EPHA7: variants seen among roughly 807,000 people sequenced by gnomAD.
The protein encoded by EPHA7 is ephrin type-A receptor 7.
A neutral mutation model predicts 112.6 loss-of-function variants in EPHA7; 25 were observed. The observed-to-expected ratio is 0.22, with a 90% confidence interval of 0.16 to 0.31. The LOEUF (loss-of-function observed/expected upper bound fraction) is 0.31, where lower values mean the gene tolerates loss of function less well. EPHA7 is among the 10% of genes least tolerant of loss of function. The pLI is 1.00. For missense variants in EPHA7, 962 were observed against 1,212.6 expected, an observed-to-expected ratio of 0.79 and a Z score of 3.07; for synonymous variants, 437 against 406.5, an observed-to-expected ratio of 1.07 and a Z score of -0.90.
intron 5 of EPHA7, among the ~76,000 whole-genome samples, chr6:93,293,969 T>C (rs1582464393): frequency 6.6e-6 from 1 of 152,220 alleles, no homozygotes; most frequent in African/African-American, 2.4e-5. Context: ...CCAGGTGGGC[T>C]ACTCATTTAC....
chr6:93,381,444 G>C lies in EPHA7; in HGVS notation c.833-23033C>G, dbSNP rs116526289. 6.1e-3 allele frequency among the ~76,000 whole-genome samples: 926 copies of C among 152,150 alleles called. 13 individuals are homozygous for C. Among genetic ancestry groups the C allele is most frequent in the African/African-American group, 0.021 (866 of 41,526 alleles). ...AAACAAACTAAAGGTTTATATTTTA[G>C]AAAATCTTTTTCACTTAAAATATGG... On this transcript the variant is annotated intron_variant, in intron 3 of 16. Transcript: ENST00000369303.
chr6:93,329,379 T>C (rs1210911053), intron 5 of EPHA7, among the ~76,000 whole-genome samples: 1 of 151,440 alleles, frequency 6.6e-6, no homozygotes, highest in East Asian at 1.9e-4. Context: ...AATTAGTATA[T>C]AAGCCAGATT....
At chr6:93,299,729 C>T (rs1471920637) in intron 5 of EPHA7, among the ~76,000 whole-genome samples, 1 of 152,106 alleles carries the variant, frequency 6.6e-6, no homozygotes, top group Non-Finnish European at 1.5e-5. Context: ...AACTTAAATG[C>T]CCATCAATGA....
At chr6:93,321,778 G>A (rs1356693576) in intron 5 of EPHA7, among the ~76,000 whole-genome samples, 1 of 151,684 alleles carries the variant, frequency 6.6e-6, no homozygotes, top group Non-Finnish European at 1.5e-5. Context: ...AGTTTTACAG[G>A]AATTTGTTAA....
intron 3 of EPHA7, among the ~76,000 whole-genome samples, chr6:93,364,973 G>T (rs910582616): frequency 5.9e-5 from 9 of 152,034 alleles, no homozygotes; most frequent in Non-Finnish European, 1.0e-4. Flanking sequence ...AAATATTTGT[G>T]ATTGAATTTC....
rs1023941428 is a variant in EPHA7 at position 93,419,501 on chromosome 6, C to T, written c.-160G>A. ...TCCACGTTTAGCTTTTTTTAATTTC[C>T]CCCCCACTCCTGTTCGCTCGCACCG... On this transcript the variant is annotated 5_prime_UTR_variant, in exon 1 of 17. Transcript: ENST00000369303. The T allele has an allele frequency of 3.9e-5, 23 of 597,196 alleles. No homozygotes were observed. Among genetic ancestry groups the T allele is most frequent in the Non-Finnish European group, 6.1e-5 (21 of 345,642 alleles). 37.0% of individuals were successfully genotyped at this position (597,196 alleles called of 1,614,324 possible).
intron 15 of EPHA7, among the ~76,000 whole-genome samples, chr6:93,246,112 C>T (rs1325694138): frequency 2.6e-5 from 4 of 151,524 alleles, no homozygotes; most frequent in South Asian, 4.1e-4. Flanking sequence ...AGTGCAGTGG[C>T]GTGATCTCAG....
chr6:93,369,140 C>G (rs1371591811), intron 3 of EPHA7, among the ~76,000 whole-genome samples: 1 of 146,126 alleles, frequency 6.8e-6, no homozygotes, highest in Admixed American at 6.9e-5. Flanking sequence ...AAAAAAAGAG[C>G]TGGCAAAGAA....
chr6:93,301,810 TACC>T (rs1772990069), intron 5 of EPHA7, among the ~76,000 whole-genome samples: 1 of 152,158 alleles, frequency 6.6e-6, no homozygotes, highest in African/African-American at 2.4e-5. Flanking sequence ...ATACATCAGT[TACC>T]ACAACTACCC....
At chr6:93,246,176 C>G (rs1769939482) in intron 15 of EPHA7, among the ~76,000 whole-genome samples, 1 of 152,004 alleles carries the variant, frequency 6.6e-6, no homozygotes, top group Non-Finnish European at 1.5e-5. Flanking sequence ...CTCAGCCTCC[C>G]AAGTAGCTGA....
intron 3 of EPHA7, among the ~76,000 whole-genome samples, chr6:93,396,527 T>C (rs1778180656): frequency 1.3e-5 from 2 of 151,920 alleles, no homozygotes; most frequent in African/African-American, 2.4e-5. Context: ...TCTTTTAATA[T>C]GTTCGAGATT....
intron 1 of EPHA7, 33 bp downstream of exon 1, chr6:93,419,208 ATAAG>A: frequency 6.4e-7 from 1 of 1,563,444 alleles, no homozygotes; most frequent in Non-Finnish European, 8.8e-7. Context: ...ATCTAAATAA[ATAAG>A]TCAGAACAAA....
intron 5 of EPHA7, among the ~76,000 whole-genome samples, chr6:93,308,175 T>A (rs2127859813): frequency 6.6e-6 from 1 of 152,244 alleles, no homozygotes; most frequent in African/African-American, 2.4e-5. Context: ...GTTTAATCAC[T>A]CGAGTGACAT....
intron 5 of EPHA7, among the ~76,000 whole-genome samples, chr6:93,306,910 C>T (rs1036151248): frequency 1.3e-5 from 2 of 151,778 alleles, no homozygotes; most frequent in South Asian, 4.1e-4. Flanking sequence ...GAAGATGGAT[C>T]AAATAAATTC....
At chr6:93,252,589 A>T (rs2095667040) in intron 14 of EPHA7, among the ~76,000 whole-genome samples, 1 of 151,956 alleles carries the variant, frequency 6.6e-6, no homozygotes, top group Admixed American at 6.6e-5. Context: ...GGAAATCATT[A>T]TCCTAAATTA....
intron 5 of EPHA7, among the ~76,000 whole-genome samples, chr6:93,326,471 A>T (rs1774326421): frequency 6.6e-6 from 1 of 151,558 alleles, no homozygotes; most frequent in African/African-American, 2.4e-5. Context: ...CTTACTTAGG[A>T]GAAAGGCTGA....
chr6:93,387,788 T>A lies in EPHA7; in HGVS notation c.832+22713A>T, dbSNP rs537057323. ...CATCAGATCTCATAAGAACTCACTA[T>A]CACAAGAACAGCATGGGGTAATCAC... On this transcript the variant is annotated intron_variant, in intron 3 of 16. Coordinates refer to ENST00000369303, the MANE Select transcript of EPHA7 (RefSeq NM_004440.4). Among the ~76,000 whole-genome samples the A allele has an allele frequency of 5.1e-4, 78 of 152,134 alleles. 1 individual carries two copies. Among genetic ancestry groups the A allele is most frequent in the Non-Finnish European group, 6.0e-4 (41 of 68,006 alleles).
rs140156890 is a variant in EPHA7 at position 93,319,673 on chromosome 6, G to A, written c.1324+37044C>T. 5.0e-3 allele frequency among the ~76,000 whole-genome samples: 755 copies of A among 152,174 alleles called. 11 individuals carry two copies. The highest frequency in any genetic ancestry group is 0.018 in the African/African-American group (727 of 41,520). On this transcript the variant is annotated intron_variant, in intron 5 of 16. Coordinates refer to ENST00000369303, the MANE Select transcript of EPHA7 (RefSeq NM_004440.4). ...GATGTAGAGTCAAGTATAGAACAACGAAGACCTACTAGGAAGTTTTGCAGT... is the reference window on the plus strand; with the variant it reads ...GATGTAGAGTCAAGTATAGAACAACAAAGACCTACTAGGAAGTTTTGCAGT...
At chr6:93,295,902 T>C (rs1582467904) in intron 5 of EPHA7, among the ~76,000 whole-genome samples, 1 of 152,026 alleles carries the variant, frequency 6.6e-6, no homozygotes, top group South Asian at 2.1e-4. Context: ...TTAGCTATTC[T>C]TAGCCATTTT....
Sources: allele counts gnomAD v4.1 joint callset (sites outside exome capture counted in the v4.1 genomes callset), GRCh38; gene constraint gnomAD v4.1.1; transcripts MANE v1.5; gene names NCBI Gene and HGNC (gene_info 2026-07-23, HGNC 2026-07-21).